HHIPL1: variants seen among roughly 807,000 people sequenced by gnomAD.
HHIPL1 encodes the protein HHIP-like protein 1.
In HHIPL1, 43 loss-of-function variants were observed where a neutral mutation model predicts 61.8. The observed-to-expected ratio is 0.70, with a 90% CI of 0.55 to 0.90. The LOEUF (loss-of-function observed/expected upper bound fraction) is 0.90, where lower values mean the gene tolerates loss of function less well. Ranked by LOEUF, HHIPL1 falls within the 40% of genes least tolerant of loss-of-function variation. The probability of loss-of-function intolerance (pLI) is 0.00; values close to 1 mark genes in which losing one functional copy is unlikely to be tolerated. For missense variants in HHIPL1, 1,056 were observed against 1,157.7 expected (o/e 0.91, Z 1.28); for synonymous variants, 482 against 515.8 (o/e 0.93, Z 0.89).
At chr14:99,618,815 G>C in the HHIPL1 span, among the ~76,000 whole-genome samples, 1 of 151,976 alleles carries the variant, frequency 6.6e-6, no homozygotes, top group South Asian at 2.1e-4. Context: ...ACCCAGGTAG[G>C]AAAGGAATGC....
the HHIPL1 span, among the ~76,000 whole-genome samples, chr14:99,619,119 G>A: frequency 6.6e-6 from 1 of 152,094 alleles, no homozygotes; most frequent in African/African-American, 2.4e-5. Context: ...CCCGTGTACT[G>A]GCCCTGGTGC....
chr14:99,638,477 A>G, the HHIPL1 span, among the ~76,000 whole-genome samples: 2 of 152,126 alleles, frequency 1.3e-5, no homozygotes, highest in African/African-American at 2.4e-5. Context: ...CTGGCCAGAG[A>G]GGCGCTGGGT....
At chr14:99,617,388 G>A in the HHIPL1 span, among the ~76,000 whole-genome samples, 1 of 152,146 alleles carries the variant, frequency 6.6e-6, no homozygotes, top group African/African-American at 2.4e-5. Context: ...AGCCTCATCT[G>A]TCACCATGAG....
chr14:99,645,546 G>A, intron 1 of HHIPL1, 84 bp downstream of exon 1: 1 of 1,212,518 alleles, frequency 8.2e-7, no homozygotes, highest in Non-Finnish European at 1.0e-6. Flanking sequence ...CGGGGGCGAG[G>A]GCCAAGAGTG....
At chr14:99,665,048 G>A (rs937264018) in intron 6 of HHIPL1, among the ~76,000 whole-genome samples, 4 of 151,674 alleles carry the variant, frequency 2.6e-5, no homozygotes, top group Non-Finnish European at 2.9e-5. Flanking sequence ...CTCAGCCCCC[G>A]GAGCAGCTGG....
intron 1 of HHIPL1, 31 bp downstream of exon 1, chr14:99,645,493 G>A (rs922715697): frequency 9.5e-6 from 12 of 1,260,984 alleles, no homozygotes; most frequent in Non-Finnish European, 1.2e-5. Context: ...CGGGCGGGGC[G>A]GGGCGCGGGA....
intron 1 of HHIPL1, among the ~76,000 whole-genome samples, chr14:99,648,648 G>T (rs952235047): frequency 6.6e-6 from 1 of 152,218 alleles, no homozygotes; most frequent in Non-Finnish European, 1.5e-5. Context: ...TGAGTGTCGT[G>T]TCTGAGATAT....
At chr14:99,659,307 G>A in intron 3 of HHIPL1, 121 bp from the exon 4 acceptor site, 1 of 741,150 alleles carries the variant, frequency 1.3e-6, no homozygotes, top group Non-Finnish European at 2.0e-6. Context: ...TGGCCCCACA[G>A]CCTAGGCTCA....
At position 99,659,454 on chromosome 14, in the gene HHIPL1, G is replaced by A. The variant is rs1316003880; in HGVS notation, c.1073G>A (p.Arg358His). 6.7e-7 allele frequency: 1 copy of A among 1,502,532 alleles called. No homozygotes were observed. The highest frequency in any genetic ancestry group is 8.9e-7 in the Non-Finnish European group (1 of 1,129,242). 93.1% of individuals were successfully genotyped at this position (1,502,532 alleles called of 1,614,324 possible). ...TCGGCGCTGCTGGGCAAGGTGCTGCGCATCGACGTGGACCGTAAGGAGCGC... is the reference window on the plus strand; with the variant it reads ...TCGGCGCTGCTGGGCAAGGTGCTGCACATCGACGTGGACCGTAAGGAGCGC... ...NKSALLGKVLRIDVDRKERGL... is the reference protein window; with the variant it reads ...NKSALLGKVLHIDVDRKERGL... Residue 358 changes from arginine (R) to histidine (H), a missense_variant, in exon 4 of 9, where the codon CGC (arginine) becomes CAC (histidine). Arg to His is a conservative substitution (Grantham distance 29). Transcript: ENST00000330710.
chr14:99,658,616 A>C (rs2056089738), intron 3 of HHIPL1, among the ~76,000 whole-genome samples: 1 of 152,212 alleles, frequency 6.6e-6, no homozygotes. Flanking sequence ...CAGTCGGTGC[A>C]TCAGAAATCA....
At chr14:99,612,380 G>C in the HHIPL1 span, among the ~76,000 whole-genome samples, 8 of 152,182 alleles carry the variant, frequency 5.3e-5, no homozygotes, top group Admixed American at 1.3e-4. Context: ...CACAAGAGAA[G>C]CCCAGGCCAA....
In HHIPL1 at chr14:99,678,864, G is replaced by T. The variant is rs942533421; in HGVS notation, c.*3238G>T. On this transcript the variant is annotated 3_prime_UTR_variant, in exon 9 of 9. Transcript: ENST00000330710. ...GTTTGAAGGAAGTTCGTCTTTAAAA[G>T]AAACCATTATTTCTAACACTTACGA... 6.6e-6 allele frequency: 1 copy of T among 152,216 alleles called. No homozygotes were observed. The highest frequency in any genetic ancestry group is 2.4e-5 in the African/African-American group (1 of 41,470). The allele number at this position is 152,216 out of a possible 1,614,324, so 9.4% of individuals were successfully genotyped here.
the HHIPL1 span, among the ~76,000 whole-genome samples, chr14:99,617,713 T>G: frequency 6.6e-6 from 1 of 152,182 alleles, no homozygotes; most frequent in Non-Finnish European, 1.5e-5. Context: ...TATTCCCTGA[T>G]GGAAGCCCCC....
At chr14:99,666,028 C>T (rs753570005) in intron 6 of HHIPL1, among the ~76,000 whole-genome samples, 3 of 151,496 alleles carry the variant, frequency 2.0e-5, no homozygotes, top group African/African-American at 4.9e-5. Context: ...GTGATCTGCC[C>T]GCCTTGGCCT....
chr14:99,634,040 C>G, the HHIPL1 span, among the ~76,000 whole-genome samples: 33 of 152,208 alleles, frequency 2.2e-4, no homozygotes, highest in African/African-American at 7.2e-4. Context: ...CCTCACCAGA[C>G]TCGGTGGTGA....
At chr14:99,645,127 G>GC (rs1566803738), upstream of HHIPL1, 11 of 1,185,668 alleles carry the variant, frequency 9.3e-6, no homozygotes, top group Non-Finnish European at 1.2e-5. Context: ...GGGAGCGCCC[G>GC]CCCCTTCCCT....
intron 8 of HHIPL1, among the ~76,000 whole-genome samples, chr14:99,674,677 C>T (rs943659611): frequency 7.2e-5 from 11 of 152,184 alleles, no homozygotes; most frequent in African/African-American, 2.7e-4. Context: ...GAAACGGTGA[C>T]TTTCTCTTAG....
chr14:99,659,539 C>G lies in HHIPL1; in HGVS notation c.1158C>G (p.Pro386=), dbSNP rs1475973685. 3 of 1,545,664 alleles carry G rather than the reference C, an allele frequency of 1.9e-6. No individual in the cohort carries two copies. The highest frequency in any genetic ancestry group is 2.6e-6 in the Non-Finnish European group (3 of 1,149,532). Residue 386 remains proline, a synonymous_variant, in exon 4 of 9, where the codon CCC becomes CCG. Transcript: ENST00000330710. ...TCGTGGGCGACCCCGCGGCGCAGCC[C>G]GAGGTCTACGCCCTGGGCGTGCGCA... is the stretch of plus-strand genomic sequence containing the variant. ...NPFVGDPAAQ[P]EVYALGVRNM...
At chr14:99,652,158 C>A in intron 1 of HHIPL1, 66 bp from the exon 2 acceptor site, 1 of 1,479,440 alleles carries the variant, frequency 6.8e-7, no homozygotes, top group Non-Finnish European at 9.1e-7. Context: ...GGGGGACCCG[C>A]CCAAGGTAAC....
Sources: gnomAD v4.1 joint callset for allele counts (sites outside exome capture counted in the v4.1 genomes callset) on GRCh38, gnomAD v4.1.1 for gene constraint, MANE v1.5 for transcripts, NCBI Gene and HGNC (gene_info 2026-07-23, HGNC 2026-07-21) for gene names.